The following FRMD6 variants were observed in gnomAD, a reference collection of about 807,000 sequenced individuals.
The protein encoded by FRMD6 is FERM domain containing 6, also known as FERM domain-containing protein 6.
In FRMD6, 37 loss-of-function variants were observed where a neutral mutation model predicts 73.2. That is an observed-to-expected ratio of 0.51 (90% CI 0.39 to 0.66). The LOEUF (loss-of-function observed/expected upper bound fraction) is 0.66, where lower values mean the gene tolerates loss of function less well. Ranked by LOEUF, FRMD6 falls within the 30% of genes least tolerant of loss-of-function variation. FRMD6 has a pLI of 0.00. For synonymous variants in FRMD6, 273 were observed against 282.2 expected, an observed-to-expected ratio of 0.97 and a Z score of 0.33; for missense variants, 714 against 780.5, an observed-to-expected ratio of 0.91 and a Z score of 1.02.
At chr14:51,433,096 G>C in the FRMD6 span, among the ~76,000 whole-genome samples, 16 of 152,348 alleles carry the variant, frequency 1.1e-4, no homozygotes, top group African/African-American at 3.4e-4. Context: ...CTGGTAGGAT[G>C]TCAAGCTGGT....
chr14:51,646,675 T>C (rs969879279), intron 2 of FRMD6, among the ~76,000 whole-genome samples: 1 of 151,286 alleles, frequency 6.6e-6, no homozygotes, highest in African/African-American at 2.4e-5. Flanking sequence ...AGTTTCATAC[T>C]GTAGGGAATC....
At chr14:51,655,299 A>G (rs1458843459) in intron 1 of FRMD6, among the ~76,000 whole-genome samples, 1 of 152,234 alleles carries the variant, frequency 6.6e-6, no homozygotes, top group African/African-American at 2.4e-5. Context: ...AAGTCTTTGT[A>G]TGATTATATC....
chr14:51,653,575 G>A (rs1340208688), intron 1 of FRMD6, among the ~76,000 whole-genome samples: 1 of 152,148 alleles, frequency 6.6e-6, no homozygotes, highest in Non-Finnish European at 1.5e-5. Flanking sequence ...AGCATTATGA[G>A]ACTATTGTAG....
At chr14:51,527,003 G>A (rs945615196) in intron 1 of FRMD6, among the ~76,000 whole-genome samples, 1 of 152,230 alleles carries the variant, frequency 6.6e-6, no homozygotes, top group African/African-American at 2.4e-5. Flanking sequence ...AAGGAAGAGA[G>A]GAAAGAAGTA....
chr14:51,518,015 T>G (rs767790658), intron 1 of FRMD6, among the ~76,000 whole-genome samples: 10 of 152,120 alleles, frequency 6.6e-5, no homozygotes, highest in African/African-American at 1.2e-4. Context: ...ATACAAACAA[T>G]TAAGGAAATT....
chr14:51,491,959 G>A (rs1006396501), intron 1 of FRMD6, among the ~76,000 whole-genome samples: 14 of 152,164 alleles, frequency 9.2e-5, no homozygotes, highest in African/African-American at 2.7e-4. Flanking sequence ...GTGTCCTGTC[G>A]TGCCTCCCTT....
intron 1 of FRMD6, among the ~76,000 whole-genome samples, chr14:51,525,710 A>T (rs1885215945): frequency 6.6e-6 from 1 of 152,024 alleles, no homozygotes. Context: ...CATCACCATA[A>T]CCCCTGACCT....
At position 51,727,876 on chromosome 14, in the gene FRMD6, A is replaced by ATGT; in HGVS notation, c.1717_1719dup (p.Cys573dup). On this transcript the variant is annotated inframe_insertion, in exon 14 of 14. Transcript: ENST00000344768. ...ACACTGCTCAGAGTTACACCTTTGG[A>ATGT]TGTGGCCATGAACTGGATGAGGAAG... The ATGT allele has an allele frequency of 4.3e-6, 7 of 1,614,174 alleles. No homozygotes were observed. The highest frequency in any genetic ancestry group is 5.9e-6 in the Non-Finnish European group (7 of 1,180,020).
At chr14:51,633,621 A>AAAAAAAAAAAAG (rs143710280) in intron 2 of FRMD6, among the ~76,000 whole-genome samples, 1 of 99,368 alleles carries the variant, frequency 1.0e-5, no homozygotes, top group Non-Finnish European at 1.9e-5. Flanking sequence ...AAAAAAAAAA[A>AAAAAAAAAAAAG]GAAATAATTA....
At chr14:51,577,366 G>A (rs747355529) in intron 2 of FRMD6, among the ~76,000 whole-genome samples, 4 of 151,854 alleles carry the variant, frequency 2.6e-5, no homozygotes, top group African/African-American at 4.8e-5. Flanking sequence ...CCATTCAACC[G>A]TGTTTCATCT....
At chr14:51,594,306 TTTTA>T (rs148367741) in intron 2 of FRMD6, among the ~76,000 whole-genome samples, 46,615 of 142,790 alleles carry the variant, frequency 0.33, 8,280 homozygotes, top group South Asian at 0.41. Context: ...TGTATTTTAT[TTTTA>T]TTTATTTATT....
chr14:51,608,250 C>G (rs1452428461), intron 2 of FRMD6, among the ~76,000 whole-genome samples: 3 of 152,074 alleles, frequency 2.0e-5, no homozygotes, highest in Middle Eastern at 3.2e-3. Flanking sequence ...GGATCCTTTG[C>G]CAGAGAGAGT....
intron 1 of FRMD6, among the ~76,000 whole-genome samples, chr14:51,654,529 CT>C (rs1191717016): frequency 6.7e-6 from 1 of 149,720 alleles, no homozygotes; most frequent in Non-Finnish European, 1.5e-5. Flanking sequence ...TAAAGGAATT[CT>C]TTGTAGTTTT....
chr14:51,478,963 G>C, the FRMD6 span, among the ~76,000 whole-genome samples: 1 of 152,216 alleles, frequency 6.6e-6, no homozygotes, highest in South Asian at 2.1e-4. Flanking sequence ...TAATATTGTG[G>C]TACAAATATT....
At chr14:51,614,786 T>C (rs1890644988) in intron 2 of FRMD6, among the ~76,000 whole-genome samples, 1 of 152,200 alleles carries the variant, frequency 6.6e-6, no homozygotes, top group African/African-American at 2.4e-5. Context: ...GATGATTTGG[T>C]TGTGGTCTCA....
At chr14:51,621,148 A>AT (rs532114724) in intron 2 of FRMD6, among the ~76,000 whole-genome samples, 15,370 of 148,896 alleles carry the variant, frequency 0.1, 993 homozygotes, top group Middle Eastern at 0.2. Flanking sequence ...TTAAACTTCA[A>AT]TTTTTTTTTT....
the FRMD6 span, among the ~76,000 whole-genome samples, chr14:51,455,076 C>T: frequency 2.0e-5 from 3 of 151,972 alleles, no homozygotes; most frequent in East Asian, 1.9e-4. Context: ...AGAGTGAGAG[C>T]GAGCCAGTGA....
At chr14:51,590,249 A>G (rs1889316799) in intron 2 of FRMD6, among the ~76,000 whole-genome samples, 1 of 152,194 alleles carries the variant, frequency 6.6e-6, no homozygotes, top group African/African-American at 2.4e-5. Flanking sequence ...AAGAGGCAGA[A>G]TGATGGTGAG....
chr14:51,689,180 C>A (rs887456834), intron 1 of FRMD6, among the ~76,000 whole-genome samples: 1 of 152,102 alleles, frequency 6.6e-6, no homozygotes, highest in Non-Finnish European at 1.5e-5. Context: ...AAAGTGATGG[C>A]CTAGAGATCA....
Sources: gnomAD v4.1 joint callset for allele counts (sites outside exome capture counted in the v4.1 genomes callset) on GRCh38, gnomAD v4.1.1 for gene constraint, MANE v1.5 for transcripts, NCBI Gene and HGNC (gene_info 2026-07-23, HGNC 2026-07-21) for gene names.